The following BNIP2 variants were observed in gnomAD, a reference collection of about 807,000 sequenced individuals.
The protein encoded by BNIP2 is BCL2 interacting protein 2, also known as BCL2/adenovirus E1B 19 kDa protein-interacting protein 2.
BNIP2 carries 36 observed loss-of-function variants against 43.4 expected under a neutral mutation model. The observed-to-expected ratio is 0.83, with a 90% CI of 0.64 to 1.10. The LOEUF is 1.10. BNIP2 is among the 50% of genes least tolerant of loss of function. The probability of loss-of-function intolerance (pLI) is 0.00; values close to 1 mark genes in which losing one functional copy is unlikely to be tolerated. For synonymous variants in BNIP2, 146 were observed against 121.0 expected (o/e 1.21, Z -1.35); for missense variants, 417 against 374.1 (o/e 1.11, Z -0.95).
rs1210239063 is a variant in BNIP2, at chr15:59,682,484, C to T, written c.-27G>A. On this transcript the variant is annotated 5_prime_UTR_variant, in exon 2 of 10. Transcript: ENST00000607373. ...CTCAGCCTGGATTCAATGTCAACTA[C>T]AAACTCTTGATAATCCAGGGAGCCA... The T allele has an allele frequency of 8.1e-6, 13 of 1,613,330 alleles. No individual in the cohort carries two copies. The highest frequency in any genetic ancestry group is 1.0e-5 in the Non-Finnish European group (12 of 1,179,742).
chr15:59,677,239 C>T lies in BNIP2; in HGVS notation c.472+672G>A. 3.1e-6 allele frequency: 5 copies of T among 1,595,850 alleles called. No homozygotes were observed. In the South Asian group the frequency reaches 5.5e-5, roughly 18 times the overall value. ...GTACCCGTCTTCCAGAGTGCCAAGC[C>T]CCGGCTGGACTGCTTGACTGAAGTA... is the stretch of plus-strand genomic sequence containing the variant. On this transcript the variant is annotated intron_variant, in intron 5 of 9. Coordinates refer to ENST00000607373, the MANE Select transcript of BNIP2 (RefSeq NM_004330.4).
chr15:59,664,254 C>A (rs1892433148), intron 9 of BNIP2, 134 bp from the exon 10 acceptor site: 4 of 511,456 alleles, frequency 7.8e-6, no homozygotes, highest in Non-Finnish European at 1.3e-5. Context: ...ATAGTAAAAA[C>A]AGTTACCAAA....
At chr15:59,680,686 C>T (rs757506894) in intron 2 of BNIP2, among the ~76,000 whole-genome samples, 3 of 152,210 alleles carry the variant, frequency 2.0e-5, no homozygotes, top group Non-Finnish European at 4.4e-5. Flanking sequence ...CAGGCATGAG[C>T]CACTGTGCCC....
rs770106405 is a variant in BNIP2 at position 59,682,458 on chromosome 15, C to T, written c.-1G>A. The stretch of plus-strand genomic sequence containing the variant: ...CTTCTTTAAGTTCCACACCTTCCAT[C>T]CTCAGCCTGGATTCAATGTCAACTA... On this transcript the variant is annotated 5_prime_UTR_variant, in exon 2 of 10. Coordinates refer to ENST00000607373, the MANE Select transcript of BNIP2 (RefSeq NM_004330.4). The T allele has an allele frequency of 1.2e-6, 2 of 1,613,868 alleles. No individual in the cohort carries two copies. The highest frequency in any genetic ancestry group is 8.5e-7 in the Non-Finnish European group (1 of 1,179,826).
chr15:59,682,709 G>A (rs938310624), intron 1 of BNIP2, among the ~76,000 whole-genome samples, 195 bp from the exon 2 acceptor site: 3 of 151,490 alleles, frequency 2.0e-5, no homozygotes, highest in African/African-American at 7.3e-5. Context: ...TTCTGGGAAA[G>A]TTAAATACTG....
intron 9 of BNIP2, 93 bp downstream of exon 9, chr15:59,668,799 A>G (rs770034369): frequency 5.2e-6 from 6 of 1,153,060 alleles, no homozygotes; most frequent in Non-Finnish European, 6.2e-6. Flanking sequence ...GTTATAAAAT[A>G]TAATACATAA....
chr15:59,674,398 AG>A (rs1237140857), intron 5 of BNIP2, among the ~76,000 whole-genome samples: 6 of 152,238 alleles, frequency 3.9e-5, no homozygotes, highest in Non-Finnish European at 8.8e-5. Flanking sequence ...CTATAAAAAA[AG>A]TGCTATTTCT....
intron 6 of BNIP2, among the ~76,000 whole-genome samples, chr15:59,672,029 T>C (rs758490416): frequency 1.7e-4 from 26 of 152,148 alleles, no homozygotes; most frequent in Non-Finnish European, 1.5e-4. Context: ...GGAGCCGTAG[T>C]TGTACCACTG....
intron 9 of BNIP2, among the ~76,000 whole-genome samples, chr15:59,667,198 A>G (rs59651101): frequency 6.6e-6 from 1 of 152,206 alleles, no homozygotes; most frequent in African/African-American, 2.4e-5. Context: ...TTCTATCACA[A>G]AGTCTACTAA....
chr15:59,670,348 C>A (rs1309755600), intron 7 of BNIP2, among the ~76,000 whole-genome samples: 1 of 152,088 alleles, frequency 6.6e-6, no homozygotes, highest in African/African-American at 2.4e-5. Context: ...GCAGAATAAC[C>A]TGAGCTTGGG....
chr15:59,668,306 T>C (rs1273755610), intron 9 of BNIP2, among the ~76,000 whole-genome samples: 1 of 152,192 alleles, frequency 6.6e-6, no homozygotes, highest in Non-Finnish European at 1.5e-5. Context: ...CTTTCATACA[T>C]TAAATAGACT....
In BNIP2 at chr15:59,679,742, C is replaced by T; in HGVS notation, c.145G>A (p.Val49Met). 3 of 1,553,136 alleles carry T rather than the reference C, an allele frequency of 1.9e-6. No homozygotes were observed. The highest frequency in any genetic ancestry group is 2.6e-6 in the Non-Finnish European group (3 of 1,157,030). ...PGSLEVNGNKVRKKLMAPDIS... is the reference protein window; with the variant it reads ...PGSLEVNGNKMRKKLMAPDIS... ...TCTGGAGCCATTAGTTTCTTTCTCACTTTATTTCCATTAACTTCTAGTGAG... is the reference window on the plus strand; with the variant it reads ...TCTGGAGCCATTAGTTTCTTTCTCATTTTATTTCCATTAACTTCTAGTGAG... The change falls in exon 4 of 10, where the codon GTG (valine) becomes ATG (methionine). Residue 49 changes from valine (V) to methionine (M), a missense_variant. By Grantham distance (21) the Val-to-Met change is conservative. Transcript: ENST00000607373.
chr15:59,675,102 A>G (rs1208808743), intron 5 of BNIP2, among the ~76,000 whole-genome samples: 1 of 151,874 alleles, frequency 6.6e-6, no homozygotes, highest in East Asian at 1.9e-4. Context: ...TACAAAAATT[A>G]GCCAGGCGTG....
At chr15:59,682,914 C>T (rs1255039956) in intron 1 of BNIP2, among the ~76,000 whole-genome samples, 2 of 151,958 alleles carry the variant, frequency 1.3e-5, no homozygotes, top group African/African-American at 4.8e-5. Context: ...GATTCTAGAC[C>T]GTAAATAATA....
At chr15:59,688,009 A>T (rs973174041) in intron 1 of BNIP2, among the ~76,000 whole-genome samples, 2 of 152,210 alleles carry the variant, frequency 1.3e-5, no homozygotes, top group African/African-American at 4.8e-5. Context: ...TTAGCTTCAA[A>T]GGGCTTGTAA....
intron 7 of BNIP2, 70 bp from the exon 8 acceptor site, chr15:59,669,432 GT>G: frequency 9.0e-7 from 1 of 1,111,938 alleles, no homozygotes; most frequent in Admixed American, 2.7e-5. Context: ...AATGCTGCAA[GT>G]TTATACAAAA....
chr15:59,664,543 G>A (rs1173214999), intron 9 of BNIP2, among the ~76,000 whole-genome samples: 5 of 151,664 alleles, frequency 3.3e-5, no homozygotes, highest in African/African-American at 9.7e-5. Flanking sequence ...CACCATGCCC[G>A]GCTAATTTTT....
chr15:59,678,780 T>A, intron 4 of BNIP2: 1 of 1,302,970 alleles, frequency 7.7e-7, no homozygotes, highest in Non-Finnish European at 1.0e-6. Context: ...ACCTACTGCA[T>A]GTTAGTTGTT....
At chr15:59,687,049 C>CA in intron 1 of BNIP2, among the ~76,000 whole-genome samples, 1 of 152,186 alleles carries the variant, frequency 6.6e-6, no homozygotes, top group South Asian at 2.1e-4. Context: ...TAAATGTTAA[C>CA]ACAAAATTTA....
Sources: gnomAD v4.1 joint callset for allele counts (sites outside exome capture counted in the v4.1 genomes callset) on GRCh38, gnomAD v4.1.1 for gene constraint, MANE v1.5 for transcripts, NCBI Gene and HGNC (gene_info 2026-07-23, HGNC 2026-07-21) for gene names.